HDAC9: variants seen among roughly 807,000 people sequenced by gnomAD.
HDAC9 encodes MEF-2 interacting transcription repressor (MITR) protein.
Under a neutral mutation model 139.4 loss-of-function variants are expected in HDAC9, and 41 were observed. That is an observed-to-expected ratio of 0.29 (90% CI 0.23 to 0.38). HDAC9 has a LOEUF of 0.38. Among genes scored for constraint, HDAC9 ranks in the 10% least tolerant of loss-of-function variants. The pLI, the probability that HDAC9 is intolerant of heterozygous loss-of-function variation, is 1.00. For missense variants in HDAC9, 1,147 were observed against 1,297.0 expected, an observed-to-expected ratio of 0.88 and a Z score of 1.78; for synonymous variants, 517 against 476.2, an observed-to-expected ratio of 1.09 and a Z score of -1.12.
intron 22 of HDAC9, among the ~76,000 whole-genome samples, chr7:18,929,756 A>C (rs1467501828): frequency 6.6e-6 from 1 of 152,102 alleles, no homozygotes; most frequent in East Asian, 1.9e-4. Context: ...GCCAACCAAC[A>C]TGGTGAAACC....
intron 2 of HDAC9, among the ~76,000 whole-genome samples, chr7:18,165,611 A>G (rs1250247601): frequency 3.9e-5 from 6 of 151,920 alleles, no homozygotes; most frequent in African/African-American, 1.2e-4. Context: ...ATATGGTGAG[A>G]TCCTATCTCT....
At chr7:18,355,854 C>T (rs573050072) in intron 1 of HDAC9, among the ~76,000 whole-genome samples, 7 of 152,056 alleles carry the variant, frequency 4.6e-5, no homozygotes, top group Non-Finnish European at 1.0e-4. Context: ...GTTTTAAAAA[C>T]AAAAGAGGCC....
chr7:18,901,951 C>T (rs935167862), intron 22 of HDAC9, among the ~76,000 whole-genome samples: 8 of 152,302 alleles, frequency 5.3e-5, no homozygotes, highest in African/African-American at 1.9e-4. Flanking sequence ...ACTGTATTTT[C>T]TTCTACCCTT....
At chr7:18,259,368 T>A (rs1310487727) in intron 2 of HDAC9, among the ~76,000 whole-genome samples, 1 of 151,902 alleles carries the variant, frequency 6.6e-6, no homozygotes, top group East Asian at 1.9e-4. Context: ...GACAAGCCTG[T>A]TTTTTCTTTT....
At chr7:18,618,726 GTATATATATATA>G (rs71014394) in intron 6 of HDAC9, among the ~76,000 whole-genome samples, 19,912 of 120,040 alleles carry the variant, frequency 0.17, 1,803 homozygotes, top group East Asian at 0.32. Flanking sequence ...ACAGAATTTT[GTATATATATATA>G]TATATATATA....
chr7:18,520,816 G>T (rs1296710894), intron 2 of HDAC9, among the ~76,000 whole-genome samples: 1 of 152,174 alleles, frequency 6.6e-6, no homozygotes. Flanking sequence ...GAAAGCTGGA[G>T]CCCTGCTCTG....
At chr7:18,846,723 A>C (rs1481734504) in intron 21 of HDAC9, among the ~76,000 whole-genome samples, 2 of 152,142 alleles carry the variant, frequency 1.3e-5, no homozygotes, top group Non-Finnish European at 2.9e-5. Context: ...TTATTTACAA[A>C]AGCTTGAAAA....
At chr7:18,272,865 A>G (rs1286010831) in intron 2 of HDAC9, among the ~76,000 whole-genome samples, 1 of 151,684 alleles carries the variant, frequency 6.6e-6, no homozygotes, top group Non-Finnish European at 1.5e-5. Flanking sequence ...AAATTTGAGG[A>G]GAAAGAATAA....
chr7:18,453,522 G>T (rs768264927), intron 1 of HDAC9, among the ~76,000 whole-genome samples: 38 of 152,150 alleles, frequency 2.5e-4, no homozygotes, highest in Non-Finnish European at 4.6e-4. Context: ...AGGTTTGTCG[G>T]AAAAGAATTA....
intron 22 of HDAC9, among the ~76,000 whole-genome samples, chr7:18,930,916 G>A (rs1804683421): frequency 6.6e-6 from 1 of 152,118 alleles, no homozygotes; most frequent in Non-Finnish European, 1.5e-5. Context: ...AGAGGAAAGA[G>A]TGAACTTAAA....
chr7:18,584,566 A>C (rs1828874493), intron 2 of HDAC9, among the ~76,000 whole-genome samples: 1 of 152,148 alleles, frequency 6.6e-6, no homozygotes, highest in Admixed American at 6.5e-5. Context: ...CAGTGGTTTG[A>C]TTAAATACTT....
chr7:18,196,056 C>T (rs1434710661), intron 2 of HDAC9, among the ~76,000 whole-genome samples: 3 of 152,068 alleles, frequency 2.0e-5, no homozygotes, highest in African/African-American at 7.2e-5. Flanking sequence ...GCATTACATT[C>T]CTCCATAATT....
chr7:18,313,879 T>G (rs1008584817), intron 1 of HDAC9, among the ~76,000 whole-genome samples: 1 of 152,212 alleles, frequency 6.6e-6, no homozygotes, highest in Non-Finnish European at 1.5e-5. Context: ...ACTGCAATCA[T>G]GTTCACTTGG....
At chr7:18,786,471 GTCCTTCCTTCCTTTCT>G (rs1245231425) in intron 16 of HDAC9, among the ~76,000 whole-genome samples, 3 of 35,346 alleles carry the variant, frequency 8.5e-5, no homozygotes, top group African/African-American at 1.3e-4. Context: ...CCTTCCTTTC[GTCCTTCCTTCCTTTCT>G]TCCTTCCTTC....
chr7:18,582,211 T>C (rs1023674373), intron 2 of HDAC9, among the ~76,000 whole-genome samples: 1 of 152,212 alleles, frequency 6.6e-6, no homozygotes, highest in African/African-American at 2.4e-5. Flanking sequence ...AACTGGAATC[T>C]GCAAATTTAA....
At chr7:18,564,626 T>C (rs1367551035) in intron 2 of HDAC9, among the ~76,000 whole-genome samples, 1 of 152,188 alleles carries the variant, frequency 6.6e-6, no homozygotes, top group Non-Finnish European at 1.5e-5. Context: ...CTATAATGTT[T>C]ATATTTCTTC....
At position 18,848,711 on chromosome 7, in the gene HDAC9, A is replaced by G. The variant is rs148976085; in HGVS notation, c.2684+12714A>G. ...ACCTGAGCAGAATAAGACAGACACT[A>G]TAAAGATCTTTAATATGAGAAACCA... On this transcript the variant is annotated intron_variant, in intron 21 of 25. Coordinates refer to ENST00000686413, the MANE Select transcript of HDAC9 (RefSeq NM_178425.4). 1.6e-4 allele frequency among the ~76,000 whole-genome samples: 24 copies of G among 152,200 alleles called. 1 individual carries two copies. The East Asian group carries it at 4.2e-3, about 27-fold the overall frequency.
At chr7:18,783,661 CTTT>C (rs11348285) in intron 16 of HDAC9, among the ~76,000 whole-genome samples, 75 of 132,292 alleles carry the variant, frequency 5.7e-4, no homozygotes, top group Non-Finnish European at 7.3e-4. Flanking sequence ...TCTGCTGAGA[CTTT>C]TTTTTTTTTT....
intron 2 of HDAC9, among the ~76,000 whole-genome samples, chr7:18,263,965 A>C (rs1234042008): frequency 1.3e-5 from 2 of 152,172 alleles, no homozygotes; most frequent in Non-Finnish European, 2.9e-5. Flanking sequence ...CTACAGACAA[A>C]AAAGGACATG....
Sources: allele counts gnomAD v4.1 joint callset (sites outside exome capture counted in the v4.1 genomes callset), GRCh38; gene constraint gnomAD v4.1.1; transcripts MANE v1.5; gene names NCBI Gene and HGNC (gene_info 2026-07-23, HGNC 2026-07-21).